Variants in MDK observed in about 807,000 individuals in gnomAD.
MDK encodes amphiregulin-associated protein.
Under a neutral mutation model 18.9 loss-of-function variants are expected in MDK, and 17 were observed. The ratio of observed to expected loss-of-function variants is 0.90; its 90% confidence interval spans 0.62 to 1.35. MDK has a LOEUF of 1.35. MDK is among the 40% of genes most tolerant of loss of function. The pLI, the probability that MDK is intolerant of heterozygous loss-of-function variation, is 0.00. For missense variants in MDK, 180 were observed against 186.3 expected, an observed-to-expected ratio of 0.97 and a Z score of 0.20; for synonymous variants, 86 against 74.3, an observed-to-expected ratio of 1.16 and a Z score of -0.81.
In MDK at chr11:46,382,675, C is replaced by T. The variant is rs1404878113; in HGVS notation, c.333C>T (p.Arg111=). ...KVRQGTLKKA[R]YNAQCQETIR... ...GCCAAGGCACCCTGAAGAAGGCGCGCTACAATGCTCAGTGCCAGGAGACCA... is the reference window on the plus strand; with the variant it reads ...GCCAAGGCACCCTGAAGAAGGCGCGTTACAATGCTCAGTGCCAGGAGACCA... The change falls in exon 4 of 5, where the codon CGC becomes CGT. Residue 111 remains arginine (R), a synonymous_variant. Transcript: ENST00000395566. The T allele has an allele frequency of 6.2e-7, 1 of 1,612,984 alleles. No homozygotes were observed. Among genetic ancestry groups the T allele is most frequent in the African/African-American group, 1.3e-5 (1 of 74,896 alleles).
Position 46,382,390 on chromosome 11 carries a change from A to G in MDK, c.173A>G (p.Glu58Gly). The G allele has an allele frequency of 6.4e-7, 1 of 1,564,476 alleles. No individual in the cohort carries two copies. Among genetic ancestry groups the G allele is most frequent in the Non-Finnish European group, 8.6e-7 (1 of 1,157,884 alleles). ...AAGGATTGCGGCGTGGGTTTCCGCG[A>G]GGGCACCTGCGGGGCCCAGACCCAG... ...SSKDCGVGFR[E>G]GTCGAQTQRI... The change falls in exon 3 of 5, where the codon GAG becomes GGG. Residue 58 changes from glutamate to glycine, a missense_variant. Coordinates refer to ENST00000395566, the MANE Select transcript of MDK (RefSeq NM_002391.6).
Position 46,382,792 on chromosome 11 carries a change from C to CCCT in MDK, c.406+46_406+47insTCC, listed in dbSNP as rs1945257328. The CCCT allele has an allele frequency of 3.3e-5, 6 of 183,460 alleles. No individual in the cohort carries two copies. In the East Asian group the frequency reaches 1.0e-3, roughly 32 times the overall value. The allele number at this position is 183,460 out of a possible 1,614,324, so 11.4% of individuals were successfully genotyped here. A position where few individuals can be genotyped will look rare whatever the true frequency, so the allele number is the denominator to read the frequency against. On this transcript the variant is annotated intron_variant, in intron 4 of 4. Coordinates refer to ENST00000395566, the MANE Select transcript of MDK (RefSeq NM_002391.6). ...GGGTGGGGCTGTCGCGGGGGGCTGC[C>CCCT]CCCCCCCCCCCCCGCCTGTGAGGGG...
chr11:46,382,748 G>T lies in MDK; in HGVS notation c.406G>T (p.Ala136Ser). 6.2e-7 allele frequency: 1 copy of T among 1,606,112 alleles called. No homozygotes were observed. Among genetic ancestry groups the T allele is most frequent in the Non-Finnish European group, 8.5e-7 (1 of 1,177,490 alleles). The change falls in exon 4 of 5, where the codon GCC (alanine) becomes TCC (serine). Residue 136 changes from alanine (A) to serine (S), a missense_variant and splice_region_variant. Physicochemically the swap from Ala to Ser is moderately conservative, Grantham distance 99 (BLOSUM62 1). Transcript: ENST00000395566. ...CTPKTKAKAK[A>S]KKGKGKD ...CCCCAAGACCAAAGCAAAGGCCAAA[G>T]GTCAGCGAAAGGAGAAGGGGGTGGG...
At chr11:46,382,872 C>G in intron 4 of MDK, 124 bp downstream of exon 4, 1 of 1,145,158 alleles carries the variant, frequency 8.7e-7, no homozygotes, top group Non-Finnish European at 1.3e-6. Context: ...TTCCTGACAT[C>G]GCCTCACTTG....
In MDK at chr11:46,383,634, C is replaced by A; in HGVS notation, c.*140C>A. The A allele has an allele frequency of 2.5e-6, 2 of 811,996 alleles. No individual in the cohort carries two copies. Among genetic ancestry groups the A allele is most frequent in the Non-Finnish European group, 2.1e-6 (1 of 474,102 alleles). 50.3% of individuals were successfully genotyped at this position (811,996 alleles called of 1,614,324 possible). A position where few individuals can be genotyped will look rare whatever the true frequency, so the allele number is the denominator to read the frequency against. On this transcript the variant is annotated 3_prime_UTR_variant, in exon 5 of 5. Coordinates refer to ENST00000395566, the MANE Select transcript of MDK (RefSeq NM_002391.6). The stretch of plus-strand genomic sequence containing the variant: ...TAATCAATCATGCCCTGCCTTGTCC[C>A]TCTCACTCCCCAGCCCCACCCCTAA...
intron 4 of MDK, 106 bp downstream of exon 4, chr11:46,382,854 C>A: frequency 1.5e-6 from 2 of 1,313,476 alleles, no homozygotes; most frequent in Non-Finnish European, 2.1e-6. Flanking sequence ...TGAGTCCTGG[C>A]CAGTGGCTTC....
chr11:46,383,803 A>T (rs1159247267), downstream of MDK: 2 of 456,594 alleles, frequency 4.4e-6, no homozygotes, highest in Non-Finnish European at 8.2e-6. Flanking sequence ...TCCCCCCAAT[A>T]AAAGCTCTTC....
chr11:46,383,396 T>G, intron 4 of MDK, 73 bp from the exon 5 acceptor site: 1 of 1,218,696 alleles, frequency 8.2e-7, no homozygotes, highest in Non-Finnish European at 1.2e-6. Context: ...CCCGGGTGTT[T>G]GTGGAGCCGG....
chr11:46,383,387 C>G, intron 4 of MDK, 82 bp from the exon 5 acceptor site: 1 of 1,095,588 alleles, frequency 9.1e-7, no homozygotes, highest in Non-Finnish European at 1.3e-6. Context: ...TCCCTGATGC[C>G]CGGGTGTTTG....
chr11:46,382,564 G>T (rs1210470540), intron 3 of MDK, 23 bp from the exon 4 acceptor site: 2 of 1,597,156 alleles, frequency 1.3e-6, no homozygotes, highest in East Asian at 4.6e-5. Flanking sequence ...GCGCAGCGCT[G>T]ACCTGGGCCG....
intron 1 of MDK, 104 bp from the exon 2 acceptor site, chr11:46,381,953 T>A: frequency 8.0e-7 from 1 of 1,255,676 alleles, no homozygotes; most frequent in Non-Finnish European, 1.1e-6. Flanking sequence ...GCAGCCCGAC[T>A]TGGGGCCTGG....
chr11:46,382,963 C>T, intron 4 of MDK: 1 of 614,576 alleles, frequency 1.6e-6, no homozygotes, highest in South Asian at 2.0e-5. Context: ...TCCTCCCTGG[C>T]CCAAATAGGG....
chr11:46,382,601 A>G lies in MDK; in HGVS notation c.259A>G (p.Lys87Glu). 1 of 1,611,476 alleles carries G rather than the reference A, an allele frequency of 6.2e-7. No individual in the cohort carries two copies. Among genetic ancestry groups the G allele is most frequent in the Non-Finnish European group, 8.5e-7 (1 of 1,179,130 alleles). ...TCTCTCGCCAGCCGACTGCAAGTAC[A>G]AGTTTGAGAACTGGGGTGCGTGTGA... ...KKEFGADCKYKFENWGACDGG... is the reference protein window; with the variant it reads ...KKEFGADCKYEFENWGACDGG... The change falls in exon 4 of 5, where the codon AAG becomes GAG. Residue 87 changes from lysine (K) to glutamate (E), a missense_variant. Coordinates refer to ENST00000395566, the MANE Select transcript of MDK (RefSeq NM_002391.6).
chr11:46,382,184 C>G, intron 2 of MDK, 51 bp downstream of exon 2: 1 of 1,607,652 alleles, frequency 6.2e-7, no homozygotes. Flanking sequence ...CGAGGCCCCT[C>G]CACTTCTGGG....
chr11:46,381,489 G>A (rs945949062), upstream of MDK, among the ~76,000 whole-genome samples: 3 of 151,398 alleles, frequency 2.0e-5, no homozygotes, highest in East Asian at 1.9e-4. Flanking sequence ...GGCACCGGCG[G>A]GGAGACGCGA....
At chr11:46,382,920 A>C in intron 4 of MDK, 172 bp downstream of exon 4, 1 of 734,236 alleles carries the variant, frequency 1.4e-6, no homozygotes, top group Non-Finnish European at 2.3e-6. Context: ...TGGGCACTAC[A>C]AGAGAGGCCG....
intron 4 of MDK, 42 bp downstream of exon 4, chr11:46,382,790 G>GGGGGGGGGGCGC: frequency 1.0e-6 from 1 of 985,982 alleles, no homozygotes; most frequent in Non-Finnish European, 1.3e-6. Context: ...GCGGGGGGCT[G>GGGGGGGGGGCGC]CCCCCCCCCC....
chr11:46,381,150 G>A (rs927670623), upstream of MDK: 9 of 152,366 alleles, frequency 5.9e-5, no homozygotes, highest in African/African-American at 2.2e-4. Context: ...GCACAGCAGA[G>A]CGCTTCCCTG....
At chr11:46,382,790 GCCCC>G (rs74916763) in intron 4 of MDK, 42 bp downstream of exon 4, 24,450 of 979,704 alleles carry the variant, frequency 0.025, 46 homozygotes, top group Middle Eastern at 0.057. Flanking sequence ...GCGGGGGGCT[GCCCC>G]CCCCCCCCCC....
Sources: allele counts gnomAD v4.1 joint callset (sites outside exome capture counted in the v4.1 genomes callset), GRCh38; gene constraint gnomAD v4.1.1; transcripts MANE v1.5; gene names NCBI Gene and HGNC (gene_info 2026-07-23, HGNC 2026-07-21).